The following PINX1 variants were observed in gnomAD, a reference collection of about 807,000 sequenced individuals.
PINX1 encodes the protein PIN2/TERF1-interacting telomerase inhibitor 1.
PINX1 carries 34 observed loss-of-function variants against 25.4 expected under a neutral mutation model. The ratio of observed to expected loss-of-function variants is 1.34; its 90% CI spans 1.02 to 1.78. The LOEUF is 1.78. Among genes scored for constraint, PINX1 ranks in the 40% most tolerant of loss-of-function variants. PINX1 has a pLI of 0.00. For synonymous variants in PINX1, 197 were observed against 147.7 expected (o/e 1.33, Z -2.42); for missense variants, 592 against 404.9 (o/e 1.46, Z -3.97).
intron 6 of PINX1, among the ~76,000 whole-genome samples, chr8:10,810,530 T>G (rs1251048603): frequency 1.3e-5 from 2 of 152,128 alleles, no homozygotes; most frequent in African/African-American, 2.4e-5. Flanking sequence ...ACAGATGAAT[T>G]CAATTCAGCA....
chr8:10,815,916 G>A (rs537033616), intron 6 of PINX1, among the ~76,000 whole-genome samples: 4 of 152,328 alleles, frequency 2.6e-5, no homozygotes, highest in African/African-American at 7.2e-5. Flanking sequence ...TCATGGAAAC[G>A]ACAATCGGCC....
Position 10,772,361 on chromosome 8 carries a change from G to A in PINX1, c.472-6445C>T, listed in dbSNP as rs745775674. On this transcript the variant is annotated intron_variant, in intron 6 of 6. Coordinates refer to ENST00000314787, the MANE Select transcript of PINX1 (RefSeq NM_017884.6). ...AAGGCTGAGCTAGGCAGTGATTCAC[G>A]GCCGTTCGTTGGAAAGCCTGCCCTG... Among the ~76,000 whole-genome samples the A allele has an allele frequency of 1.3e-4, 20 of 152,354 alleles. No individual in the cohort carries two copies. The Middle Eastern group carries it at 0.01, about 78-fold the overall frequency.
intron 6 of PINX1, among the ~76,000 whole-genome samples, chr8:10,767,039 C>G (rs1181395517): frequency 6.6e-6 from 1 of 152,162 alleles, no homozygotes. Context: ...TCATGCTAAA[C>G]TTAGGTTTTC....
chr8:10,770,898 G>A (rs1479941699), intron 6 of PINX1, among the ~76,000 whole-genome samples: 2 of 152,146 alleles, frequency 1.3e-5, no homozygotes, highest in African/African-American at 4.8e-5. Flanking sequence ...ATTAAGACAC[G>A]GAGGTCATGC....
chr8:10,802,855 C>T (rs370955946), intron 6 of PINX1, among the ~76,000 whole-genome samples: 34 of 152,292 alleles, frequency 2.2e-4, no homozygotes, highest in East Asian at 1.5e-3. Context: ...TCTTTGTTTG[C>T]TTCCAGCCCT....
intron 2 of PINX1, 59 bp downstream of exon 2, chr8:10,834,606 TC>T: frequency 6.3e-7 from 1 of 1,575,172 alleles, no homozygotes; most frequent in Admixed American, 1.9e-5. Flanking sequence ...AAGGAAGTTT[TC>T]CCCTAATTTC....
intron 6 of PINX1, among the ~76,000 whole-genome samples, chr8:10,781,873 G>A (rs1262944219): frequency 1.3e-5 from 2 of 152,168 alleles, no homozygotes; most frequent in East Asian, 3.9e-4. Flanking sequence ...TTGTGAAGAT[G>A]CCTGCAGTCC....
At chr8:10,832,393 G>A (rs1798249894) in intron 3 of PINX1, among the ~76,000 whole-genome samples, 1 of 152,176 alleles carries the variant, frequency 6.6e-6, no homozygotes, top group African/African-American at 2.4e-5. Context: ...CAATTTTTAA[G>A]AATGCTTAAG....
intron 6 of PINX1, among the ~76,000 whole-genome samples, chr8:10,783,783 A>G (rs1220681103): frequency 6.6e-6 from 1 of 152,218 alleles, no homozygotes; most frequent in Admixed American, 6.5e-5. Flanking sequence ...TTAAAGTACT[A>G]TTACTCAGAA....
chr8:10,827,457 T>C (rs1324725566), intron 4 of PINX1, among the ~76,000 whole-genome samples: 2 of 152,028 alleles, frequency 1.3e-5, no homozygotes, highest in Non-Finnish European at 2.9e-5. Context: ...GATCTGGGGT[T>C]AGAGTCAATT....
At chr8:10,779,930 G>C (rs1801529367) in intron 6 of PINX1, among the ~76,000 whole-genome samples, 2 of 152,192 alleles carry the variant, frequency 1.3e-5, no homozygotes, top group African/African-American at 4.8e-5. Context: ...CCAAGTGTGG[G>C]GCAGAAAATG....
At chr8:10,803,434 A>C (rs1802333910) in intron 6 of PINX1, among the ~76,000 whole-genome samples, 1 of 152,244 alleles carries the variant, frequency 6.6e-6, no homozygotes, top group African/African-American at 2.4e-5. Context: ...ACACTAGCGC[A>C]TGATACTTGT....
chr8:10,767,197 G>A (rs1274472815), intron 6 of PINX1, among the ~76,000 whole-genome samples: 1 of 152,098 alleles, frequency 6.6e-6, no homozygotes, highest in Non-Finnish European at 1.5e-5. Context: ...AACTTGGCTG[G>A]CAAGGTTCTG....
chr8:10,800,119 T>A (rs1802219600), intron 6 of PINX1, among the ~76,000 whole-genome samples: 2 of 152,202 alleles, frequency 1.3e-5, no homozygotes, highest in Non-Finnish European at 2.9e-5. Context: ...TCAGTTTTGA[T>A]GGAAATAACA....
chr8:10,765,223 C>G lies in PINX1; in HGVS notation c.*178G>C, dbSNP rs1410510850. ...CGATTGAGAACATTAAAAAGGTCCT[C>G]CTGGGAATGTAACTTGGGGGAAATG... On this transcript the variant is annotated 3_prime_UTR_variant, in exon 7 of 7. Coordinates refer to ENST00000314787, the MANE Select transcript of PINX1 (RefSeq NM_017884.6). The G allele has an allele frequency of 1.7e-6, 1 of 580,690 alleles. No homozygotes were observed. The highest frequency in any genetic ancestry group is 2.9e-6 in the Non-Finnish European group (1 of 339,182). 36.0% of individuals were successfully genotyped at this position (580,690 alleles called of 1,614,324 possible).
chr8:10,787,437 C>T (rs552647599), intron 6 of PINX1: 8 of 170,528 alleles, frequency 4.7e-5, no homozygotes, highest in East Asian at 3.5e-4. Flanking sequence ...CTAGGTTGCC[C>T]GGGCTGGTCT....
At chr8:10,797,703 C>G (rs991110731) in intron 6 of PINX1, among the ~76,000 whole-genome samples, 1 of 152,166 alleles carries the variant, frequency 6.6e-6, no homozygotes, top group East Asian at 1.9e-4. Context: ...CAAAAGATGC[C>G]TCAAACCACC....
At position 10,835,874 on chromosome 8, in the gene PINX1, G is replaced by A. The variant is rs73209914; in HGVS notation, c.20-1099C>T. Among the ~76,000 whole-genome samples, 506 of 152,212 alleles carry A rather than the reference G, an allele frequency of 3.3e-3. 1 individual carries two copies. Among genetic ancestry groups the A allele is most frequent in the Non-Finnish European group, 6.0e-3 (406 of 68,018 alleles). On this transcript the variant is annotated intron_variant, in intron 1 of 6. Coordinates refer to ENST00000314787, the MANE Select transcript of PINX1 (RefSeq NM_017884.6). ...TCTCATCAAAGCAACTTTTTTTAAT[G>A]CATATAAATTACTGATCATTATGAA...
At chr8:10,785,788 T>C (rs991920323) in intron 6 of PINX1, among the ~76,000 whole-genome samples, 2 of 152,232 alleles carry the variant, frequency 1.3e-5, no homozygotes, top group Non-Finnish European at 2.9e-5. Flanking sequence ...TACCAACATA[T>C]ACGTGTGTAC....
Sources: gnomAD v4.1 joint callset for allele counts (sites outside exome capture counted in the v4.1 genomes callset) on GRCh38, gnomAD v4.1.1 for gene constraint, MANE v1.5 for transcripts, NCBI Gene and HGNC (gene_info 2026-07-23, HGNC 2026-07-21) for gene names.